The following KIF5C variants were observed in gnomAD, a reference collection of about 807,000 sequenced individuals.
The protein encoded by KIF5C is kinesin heavy chain isoform 5C.
Under a neutral mutation model 125.2 loss-of-function variants are expected in KIF5C, and 18 were observed. The ratio of observed to expected loss-of-function variants is 0.14; its 90% CI spans 0.10 to 0.21. KIF5C has a LOEUF of 0.21. KIF5C is among the 10% of genes least tolerant of loss of function. The pLI is 1.00. For synonymous variants in KIF5C, 405 were observed against 434.0 expected (o/e 0.93, Z 0.83); for missense variants, 780 against 1,183.8 (o/e 0.66, Z 5.01).
intron 11 of KIF5C, among the ~76,000 whole-genome samples, chr2:148,964,262 C>G (rs1682996672): frequency 6.9e-6 from 1 of 144,690 alleles, no homozygotes; most frequent in Non-Finnish European, 1.5e-5. Context: ...GCAAAAAGAG[C>G]AAAACTCCAT....
intron 11 of KIF5C, among the ~76,000 whole-genome samples, chr2:148,964,372 T>C (rs1417499661): frequency 6.6e-6 from 1 of 151,888 alleles, no homozygotes; most frequent in African/African-American, 2.4e-5. Flanking sequence ...GGGAAAATAA[T>C]GTATGATGAT....
At position 149,022,493 on chromosome 2, in the gene KIF5C, T is replaced by C. The variant is rs549925597; in HGVS notation, c.*8-585T>C. On this transcript the variant is annotated intron_variant, in intron 25 of 25. Coordinates refer to ENST00000435030, the MANE Select transcript of KIF5C (RefSeq NM_004522.3). ...GTGAAAAAAAAAATCTCAGTAGTAA[T>C]ATTGTAATGTAAACGATCTCAACAT... Among the ~76,000 whole-genome samples the C allele has an allele frequency of 7.2e-5, 11 of 152,264 alleles. No individual in the cohort carries two copies. The East Asian group carries it at 2.1e-3, about 29-fold the overall frequency.
intron 1 of KIF5C, among the ~76,000 whole-genome samples, chr2:148,900,866 G>T (rs1188830150): frequency 6.6e-6 from 1 of 152,186 alleles, no homozygotes; most frequent in African/African-American, 2.4e-5. Flanking sequence ...GGTCTAGAAG[G>T]GGGCAGGTAG....
At chr2:148,921,990 T>A (rs1295960079) in intron 1 of KIF5C, 147 bp from the exon 2 acceptor site, 2 of 541,724 alleles carry the variant, frequency 3.7e-6, no homozygotes, top group African/African-American at 3.8e-5. Context: ...GCTGTAAAAA[T>A]TCCCTGCTCT....
chr2:148,948,373 A>C (rs1223417148), intron 8 of KIF5C, among the ~76,000 whole-genome samples: 2 of 150,370 alleles, frequency 1.3e-5, no homozygotes, highest in East Asian at 3.9e-4. Flanking sequence ...AAAAAAAAAA[A>C]TTTACTAGTA....
At chr2:148,942,881 A>C in intron 7 of KIF5C, 121 bp downstream of exon 7, 2 of 1,510,784 alleles carry the variant, frequency 1.3e-6, no homozygotes, top group Non-Finnish European at 1.8e-6. Flanking sequence ...ATTAAAGAGC[A>C]GTGCTCGGAC....
At position 148,924,183 on chromosome 2, in the gene KIF5C, A is replaced by G. The variant is rs1681900076; in HGVS notation, c.217+1956A>G. Among the ~76,000 whole-genome samples, 1 of 152,242 alleles carries G rather than the reference A, an allele frequency of 6.6e-6. No homozygotes were observed. The highest frequency in any genetic ancestry group is 2.1e-4 in the South Asian group (1 of 4,832). ...TCAGTAAGCTAAAACATAGAGGTAC[A>G]AGAAAGAACTCCTTGGAACAGATGA... On this transcript the variant is annotated intron_variant, in intron 2 of 25. Coordinates refer to ENST00000435030, the MANE Select transcript of KIF5C (RefSeq NM_004522.3). The surrounding 1 kb of genome is among the most constrained non-coding windows in gnomAD (Gnocchi z 4.0).
intron 1 of KIF5C, chr2:148,883,882 A>G (rs944241976): frequency 6.6e-6 from 1 of 152,108 alleles, no homozygotes; most frequent in African/African-American, 2.4e-5. Context: ...GTTAGAATAC[A>G]TTCCTAGAAT....
At chr2:149,019,070 GC>G (rs2105212484) in intron 25 of KIF5C, among the ~76,000 whole-genome samples, 1 of 152,286 alleles carries the variant, frequency 6.6e-6, no homozygotes, top group African/African-American at 2.4e-5. Flanking sequence ...TCTCTTTGAT[GC>G]CTGGTTATTT....
chr2:148,959,192 C>T (rs1682868421), intron 10 of KIF5C, among the ~76,000 whole-genome samples: 1 of 152,142 alleles, frequency 6.6e-6, no homozygotes. Flanking sequence ...TCTCTATGGA[C>T]ACTTTTGTCA....
rs1016835439 is a variant in KIF5C, at chr2:149,020,672, G to A, written c.*8-2406G>A. Among the ~76,000 whole-genome samples, 3 of 152,106 alleles carry A rather than the reference G, an allele frequency of 2.0e-5. No individual in the cohort carries two copies. In the East Asian group the frequency reaches 5.8e-4, roughly 29 times the overall value. ...CTCTCTGCCTCCAGGCACGCAGAAC[G>A]GCCATCTCATCCGACCAAGGGGATC... On this transcript the variant is annotated intron_variant, in intron 25 of 25. Coordinates refer to ENST00000435030, the MANE Select transcript of KIF5C (RefSeq NM_004522.3).
chr2:148,954,426 C>T (rs866476500), intron 10 of KIF5C, among the ~76,000 whole-genome samples: 9 of 152,136 alleles, frequency 5.9e-5, no homozygotes, highest in East Asian at 1.9e-4. Flanking sequence ...ACTTTTACAG[C>T]GCTATTTGAA....
rs1574827623 is a variant in KIF5C at position 149,000,378 on chromosome 2, T to C, written c.2211-45T>C. On this transcript the variant is annotated intron_variant, in intron 19 of 25. Transcript: ENST00000435030. ...ACGGTTTTAGCCTGATGACTCAGAA[T>C]TTCAGACTGATGTGGAATATATTGC... is the stretch of plus-strand genomic sequence containing the variant. The C allele has an allele frequency of 6.5e-6, 10 of 1,537,924 alleles. No individual in the cohort carries two copies. In the East Asian group the frequency reaches 2.5e-4, roughly 38 times the overall value.
In KIF5C at chr2:149,008,085, G is replaced by T. The variant is rs201991169; in HGVS notation, c.2550+18G>T. The T allele has an allele frequency of 6.9e-6, 11 of 1,595,698 alleles. No individual in the cohort carries two copies. The highest frequency in any genetic ancestry group is 2.2e-5 in the East Asian group (1 of 44,702). ...ACAAGCAGGTAGGAGAGTTCTGCCC[G>T]CTCCCCTCTGATTCCCTCCTCTCTC... On this transcript the variant is annotated intron_variant, in intron 23 of 25. Coordinates refer to ENST00000435030, the MANE Select transcript of KIF5C (RefSeq NM_004522.3).
At chr2:148,960,566 CA>C (rs1682902367) in intron 10 of KIF5C, among the ~76,000 whole-genome samples, 1 of 152,202 alleles carries the variant, frequency 6.6e-6, no homozygotes, top group South Asian at 2.1e-4. Context: ...CCTCAAGCTA[CA>C]GTGAACAAGA....
chr2:148,875,575 G>GCCCCCCCCCCCTCCCCGGGCCCC lies in KIF5C; in HGVS notation c.-37_-36insCCCCCTCCCCGGGCCCCCCCCCC. 1.4e-6 allele frequency: 1 copy of GCCCCCCCCCCCTCCCCGGGCCCC among 699,606 alleles called. No homozygotes were observed. The highest frequency in any genetic ancestry group is 2.6e-6 in the Non-Finnish European group (1 of 389,230). 43.3% of individuals were successfully genotyped at this position (699,606 alleles called of 1,614,324 possible). A position where few individuals can be genotyped will look rare whatever the true frequency, so the allele number is the denominator to read the frequency against. ...TCCTCCCTCGTCGTTCCCGGCCCCG[G>GCCCCCCCCCCCTCCCCGGGCCCC]CCCCCCACCCATCCCCGTGCCCCCT... On this transcript the variant is annotated 5_prime_UTR_variant, in exon 1 of 26. Transcript: ENST00000435030.
Position 149,025,706 on chromosome 2 carries a change from C to T in KIF5C, c.*2636C>T, listed in dbSNP as rs1248581438. 1 of 152,224 alleles carries T rather than the reference C, an allele frequency of 6.6e-6. No homozygotes were observed. The highest frequency in any genetic ancestry group is 1.5e-5 in the Non-Finnish European group (1 of 68,038). 9.4% of individuals were successfully genotyped at this position (152,224 alleles called of 1,614,324 possible). A position where few individuals can be genotyped will look rare whatever the true frequency, so the allele number is the denominator to read the frequency against. On this transcript the variant is annotated 3_prime_UTR_variant, in exon 26 of 26. Transcript: ENST00000435030. ...CAGCCAGATGGTTTATATGAATAAT[C>T]TTTATCTGCAGGATGGTGGATTGGT...
intron 7 of KIF5C, among the ~76,000 whole-genome samples, chr2:148,943,305 A>G (rs915199685): frequency 2.6e-5 from 4 of 152,206 alleles, no homozygotes; most frequent in African/African-American, 7.2e-5. Flanking sequence ...AGATCGGCTC[A>G]TTGGCTCTGC....
At chr2:148,949,584 G>A (rs1234901070) in intron 8 of KIF5C, among the ~76,000 whole-genome samples, 1 of 152,206 alleles carries the variant, frequency 6.6e-6, no homozygotes, top group Non-Finnish European at 1.5e-5. Flanking sequence ...CCCTGGGGAA[G>A]CATCTGCAGC....
Sources: gnomAD v4.1 joint callset for allele counts (sites outside exome capture counted in the v4.1 genomes callset) on GRCh38, gnomAD v4.1.1 for gene constraint, Gnocchi (gnomAD v3.1) non-coding constraint, MANE v1.5 for transcripts, NCBI Gene and HGNC (gene_info 2026-07-23, HGNC 2026-07-21) for gene names.